The following SCN9A variants were observed in gnomAD, a reference collection of about 807,000 sequenced individuals.
The protein encoded by SCN9A is sodium channel protein type 9 subunit alpha.
SCN9A carries 131 observed loss-of-function variants against 187.0 expected under a neutral mutation model. The ratio of observed to expected loss-of-function variants is 0.70; its 90% confidence interval spans 0.61 to 0.81. The LOEUF is 0.81. SCN9A is among the 30% of genes least tolerant of loss of function. SCN9A has a pLI of 0.00. For synonymous variants in SCN9A, 809 were observed against 808.6 expected (o/e 1.00, Z -0.01); for missense variants, 2,252 against 2,396.6 (o/e 0.94, Z 1.26).
chr2:166,309,230 T>C (rs1157011479), intron 2 of SCN9A, among the ~76,000 whole-genome samples: 1 of 152,128 alleles, frequency 6.6e-6, no homozygotes, highest in Non-Finnish European at 1.5e-5. Context: ...TACTACATAG[T>C]ATTGGCAAGA....
intron 1 of SCN9A, chr2:166,321,526 A>C (rs1286750486): frequency 1.1e-5 from 1 of 94,816 alleles, no homozygotes; most frequent in East Asian, 2.3e-4. Context: ...CTGTCTCAAA[A>C]AAAAAAAAAA....
chr2:166,224,045 TCAA>T (rs968431327), intron 24 of SCN9A, among the ~76,000 whole-genome samples: 1 of 152,174 alleles, frequency 6.6e-6, no homozygotes, highest in Non-Finnish European at 1.5e-5. Context: ...GGTGATAGTA[TCAA>T]CCCATCCTAT....
rs199697334 is a variant in SCN9A at position 166,272,570 on chromosome 2, A to G, written c.3180T>C (p.Ser1060=). 3.1e-6 allele frequency: 5 copies of G among 1,613,396 alleles called. No homozygotes were observed. The highest frequency in any genetic ancestry group is 4.2e-6 in the Non-Finnish European group (5 of 1,179,716). ...HNFLKEKDKI[S]GFGSSVDKHL... is the part of the protein sequence containing the mutation. ...GTTTGTCCACGCTGCTTCCAAAACC[A>G]CTGATTTTATCTTTTTCCTTGAGGA... The change falls in exon 17 of 27, where the codon AGT becomes AGC. Residue 1060 remains serine, a synonymous_variant. Transcript: ENST00000642356.
At chr2:166,234,755 T>G (rs571971124) in intron 20 of SCN9A, among the ~76,000 whole-genome samples, 4 of 152,280 alleles carry the variant, frequency 2.6e-5, no homozygotes, top group Non-Finnish European at 5.9e-5. Context: ...AGAAAATTTT[T>G]TTTTTAATGT....
chr2:166,197,997 T>C lies in SCN9A; in HGVS notation c.*675A>G, dbSNP rs202082657. The stretch of plus-strand genomic sequence containing the variant: ...CACAATACTCTAAAGGTAAGTCTTA[T>C]CCTTGTTGGCATGTGAGTCAAGATG... On this transcript the variant is annotated 3_prime_UTR_variant, in exon 27 of 27. Coordinates refer to ENST00000642356, the MANE Select transcript of SCN9A (RefSeq NM_001365536.1). 2 of 152,186 alleles carry C rather than the reference T, an allele frequency of 1.3e-5. No individual in the cohort carries two copies. The highest frequency in any genetic ancestry group is 2.9e-5 in the Non-Finnish European group (2 of 68,026). 9.4% of individuals were successfully genotyped at this position (152,186 alleles called of 1,614,324 possible). A position where few individuals can be genotyped will look rare whatever the true frequency, so the allele number is the denominator to read the frequency against.
intron 20 of SCN9A, 27 bp from the exon 21 acceptor site, chr2:166,233,489 G>T (rs199858527): frequency 6.8e-5 from 105 of 1,532,966 alleles, no homozygotes; most frequent in Non-Finnish European, 8.8e-5. Context: ...TTCATTAATT[G>T]TGTCAATAAA....
In SCN9A at chr2:166,286,360, T is replaced by A. The variant is rs201201020; in HGVS notation, c.1578A>T (p.Glu526Asp). ...CCTGATTGGGGGTAGACAACCTCTT[T>A]TCATGTGCTCGCCTATGCCCTTCGA... ...LGVEGHRRAH[E>D]KRLSTPNQSP... Residue 526 changes from glutamate to aspartate, a missense_variant, in exon 11 of 27, where the codon GAA becomes GAT. This residue lies in a region of SCN9A where 1,013 missense variants were observed against 997.4 expected (regional missense o/e 1.02). Coordinates refer to ENST00000642356, the MANE Select transcript of SCN9A (RefSeq NM_001365536.1). 3.1e-6 allele frequency: 5 copies of A among 1,611,596 alleles called. No homozygotes were observed. Among genetic ancestry groups the A allele is most frequent in the African/African-American group, 1.3e-5 (1 of 74,792 alleles).
chr2:166,267,877 T>C (rs766653291), intron 17 of SCN9A, among the ~76,000 whole-genome samples: 2 of 152,006 alleles, frequency 1.3e-5, no homozygotes, highest in Non-Finnish European at 2.9e-5. Flanking sequence ...TATTGATCAG[T>C]AGCTGCTGCA....
At chr2:166,220,765 T>C (rs933323976) in intron 24 of SCN9A, among the ~76,000 whole-genome samples, 2 of 152,082 alleles carry the variant, frequency 1.3e-5, no homozygotes, top group African/African-American at 4.8e-5. Context: ...ATAAGACAAA[T>C]ATGGCTACTC....
intron 1 of SCN9A, among the ~76,000 whole-genome samples, chr2:166,365,798 T>A (rs1364110232): frequency 1.3e-5 from 2 of 152,194 alleles, no homozygotes. Flanking sequence ...TCACAGCATA[T>A]CTTATGGTAC....
intron 1 of SCN9A, among the ~76,000 whole-genome samples, chr2:166,356,635 G>A (rs72884786): frequency 0.4 from 61,111 of 152,068 alleles, 13,250 homozygotes; most frequent in Non-Finnish European, 0.49. Context: ...GACAACCACA[G>A]TACCAACCCC....
chr2:166,289,250 A>G (rs12474466), intron 9 of SCN9A, among the ~76,000 whole-genome samples: 18,627 of 150,790 alleles, frequency 0.12, 1,431 homozygotes, highest in African/African-American at 0.19. Flanking sequence ...GGTTTGTTAC[A>G]TGGGTAGACA....
chr2:166,298,171 A>G (rs1698401157), intron 7 of SCN9A, among the ~76,000 whole-genome samples: 1 of 152,222 alleles, frequency 6.6e-6, no homozygotes, highest in South Asian at 2.1e-4. Flanking sequence ...TAGTTCTCAC[A>G]AGAAAACAGC....
chr2:166,367,637 G>A (rs1700451256), intron 1 of SCN9A, among the ~76,000 whole-genome samples: 1 of 151,954 alleles, frequency 6.6e-6, no homozygotes, highest in Non-Finnish European at 1.5e-5. Flanking sequence ...TTCTACCTTG[G>A]GGAAGGCCTT....
In SCN9A at chr2:166,370,214, A is replaced by ATCATCATC. The variant is rs1553507677; in HGVS notation, c.-51+5482_-51+5483insGATGATGA. Among the ~76,000 whole-genome samples, 272 of 92,976 alleles carry ATCATCATC rather than the reference A, an allele frequency of 2.9e-3. 1 individual carries two copies. Among genetic ancestry groups the ATCATCATC allele is most frequent in the African/African-American group, 0.015 (255 of 16,826 alleles). 61.0% of individuals were successfully genotyped at this position (92,976 alleles called of 152,430 possible). A position where few individuals can be genotyped will look rare whatever the true frequency, so the allele number is the denominator to read the frequency against. ...TTAAAATAATAATAATAATAATAAT[A>ATCATCATC]ATAATAATAATAATAATAATAATCA... On this transcript the variant is annotated intron_variant, in intron 1 of 26. Transcript: ENST00000642356.
chr2:166,320,217 T>C (rs533357560), intron 1 of SCN9A, among the ~76,000 whole-genome samples: 9 of 152,242 alleles, frequency 5.9e-5, no homozygotes, highest in Non-Finnish European at 8.8e-5. Context: ...CAAAAATTGT[T>C]TGAATTAGTT....
At chr2:166,251,274 G>T (rs183697577) in intron 18 of SCN9A, among the ~76,000 whole-genome samples, 2 of 152,140 alleles carry the variant, frequency 1.3e-5, no homozygotes, top group East Asian at 3.9e-4. Context: ...ACTCATTAAA[G>T]AAATAGAGAG....
intron 17 of SCN9A, 84 bp from the exon 18 acceptor site, chr2:166,251,969 C>G: frequency 6.8e-7 from 1 of 1,464,224 alleles, no homozygotes; most frequent in Non-Finnish European, 9.4e-7. Flanking sequence ...AATAATCAGA[C>G]TCATGCAAAG....
intron 17 of SCN9A, among the ~76,000 whole-genome samples, chr2:166,254,392 T>A (rs1421552183): frequency 2.6e-5 from 4 of 151,542 alleles, no homozygotes; most frequent in African/African-American, 7.2e-5. Context: ...TTCTAGTCAA[T>A]TCAGCCTTTG....
Sources: gnomAD v4.1 joint callset for allele counts (sites outside exome capture counted in the v4.1 genomes callset) on GRCh38, gnomAD v4.1.1 for gene constraint, gnomAD v4.1.1 regional missense constraint, MANE v1.5 for transcripts, NCBI Gene and HGNC (gene_info 2026-07-23, HGNC 2026-07-21) for gene names.